The following ZNF148 variants were observed in gnomAD, a reference collection of about 807,000 sequenced individuals.
ZNF148 encodes the protein zinc finger protein 148, also known as Beta-Enolase Repressor Factor-1.
In ZNF148, 7 loss-of-function variants were observed where a neutral mutation model predicts 67.7. That is an observed-to-expected ratio of 0.10 (90% CI 0.06 to 0.19). The LOEUF (loss-of-function observed/expected upper bound fraction) is 0.19. ZNF148 is among the 10% of genes least tolerant of loss of function. ZNF148 has a pLI of 1.00. For missense variants in ZNF148, 583 were observed against 947.1 expected (o/e 0.62, Z 5.05); for synonymous variants, 333 against 330.7 (o/e 1.01, Z -0.08).
At chr3:125,275,765 T>C (rs1490331303) in intron 7 of ZNF148, among the ~76,000 whole-genome samples, 1 of 152,194 alleles carries the variant, frequency 6.6e-6, no homozygotes, top group Non-Finnish European at 1.5e-5. Context: ...CAGCACTTTT[T>C]TAAAAAAAGA....
In ZNF148 at chr3:125,232,328, T is replaced by G; in HGVS notation, c.*13A>C. On this transcript the variant is annotated 3_prime_UTR_variant, in exon 9 of 9. Transcript: ENST00000360647. The surrounding 1 kb of genome is among the most constrained non-coding windows in gnomAD (Gnocchi z 4.2). Reference sequence around the variant, plus strand: ...TCTAAAGTGCCAGTATTATTTACACTTTTTTTTTTTTTTTAGCCAAAAGTC... The same window carrying G: ...TCTAAAGTGCCAGTATTATTTACACGTTTTTTTTTTTTTTAGCCAAAAGTC... 1 of 10,824 alleles carries G rather than the reference T, an allele frequency of 9.2e-5. No individual in the cohort carries two copies. The highest frequency in any genetic ancestry group is 1.0e-3 in the African/African-American group (1 of 986). 0.7% of individuals were successfully genotyped at this position (10,824 alleles called of 1,614,324 possible).
rs1388534252 is a variant in ZNF148 at position 125,232,053 on chromosome 3, A to G, written c.*288T>C. The stretch of plus-strand genomic sequence containing the variant: ...TTATCAGTTAGGAAACAATTGTGCG[A>G]AAGTCTTTTTTTTTTCCTTTTTAAC... On this transcript the variant is annotated 3_prime_UTR_variant, in exon 9 of 9. Coordinates refer to ENST00000360647, the MANE Select transcript of ZNF148 (RefSeq NM_021964.3). The surrounding 1 kb of genome is among the most constrained non-coding windows in gnomAD (Gnocchi z 4.2). The G allele has an allele frequency of 1.0e-5, 3 of 294,164 alleles. No homozygotes were observed. The highest frequency in any genetic ancestry group is 2.2e-5 in the African/African-American group (1 of 46,112). The allele number at this position is 294,164 out of a possible 1,614,324, so 18.2% of individuals were successfully genotyped here.
chr3:125,339,901 T>C (rs981825902), intron 1 of ZNF148, among the ~76,000 whole-genome samples: 3 of 152,112 alleles, frequency 2.0e-5, no homozygotes, highest in East Asian at 1.9e-4. Context: ...CCGTAGACAA[T>C]ATATACCATT....
chr3:125,317,505 G>A (rs1940558634), intron 3 of ZNF148, among the ~76,000 whole-genome samples: 1 of 151,628 alleles, frequency 6.6e-6, no homozygotes, highest in South Asian at 2.1e-4. Context: ...CAGGTGACTT[G>A]TTAAATTAAT....
At chr3:125,245,247 G>C (rs577483439) in intron 7 of ZNF148, among the ~76,000 whole-genome samples, 7 of 152,212 alleles carry the variant, frequency 4.6e-5, no homozygotes, top group East Asian at 1.9e-4. Flanking sequence ...GTCAAAGAGG[G>C]ACCAGGTGAG....
chr3:125,310,377 T>C (rs959088479), intron 4 of ZNF148, among the ~76,000 whole-genome samples: 1 of 151,972 alleles, frequency 6.6e-6, no homozygotes, highest in Admixed American at 6.6e-5. Context: ...CCACACCCAG[T>C]CCAAAGAAGA....
chr3:125,263,278 C>T (rs940541670), intron 7 of ZNF148, among the ~76,000 whole-genome samples: 4 of 152,168 alleles, frequency 2.6e-5, no homozygotes. Flanking sequence ...AGGCTGGGCA[C>T]GGTGGCCCAC....
chr3:125,237,354 G>A (rs761591284), intron 7 of ZNF148, among the ~76,000 whole-genome samples: 4 of 152,126 alleles, frequency 2.6e-5, no homozygotes, highest in Non-Finnish European at 5.9e-5. Flanking sequence ...GGCTGTGGTG[G>A]GTGAACTGCT....
intron 2 of ZNF148, among the ~76,000 whole-genome samples, chr3:125,323,940 C>T (rs1940903106): frequency 7.1e-6 from 1 of 139,928 alleles, no homozygotes; most frequent in African/African-American, 2.7e-5. Flanking sequence ...GCCTGGGCAA[C>T]AGAGCGAGAC....
intron 7 of ZNF148, among the ~76,000 whole-genome samples, chr3:125,240,458 G>A (rs928374241): frequency 1.3e-5 from 2 of 152,072 alleles, no homozygotes; most frequent in African/African-American, 2.4e-5. Flanking sequence ...GCAACACTAC[G>A]GCATTTCCTT....
chr3:125,360,135 T>C (rs1418324959), intron 1 of ZNF148, among the ~76,000 whole-genome samples: 1 of 152,186 alleles, frequency 6.6e-6, no homozygotes, highest in Non-Finnish European at 1.5e-5. Context: ...CAAGCTACTC[T>C]CTCCTCTCTT....
intron 1 of ZNF148, among the ~76,000 whole-genome samples, chr3:125,349,699 G>C (rs1371082179): frequency 1.3e-5 from 2 of 152,210 alleles, no homozygotes; most frequent in African/African-American, 2.4e-5. Context: ...AAACAGGCCA[G>C]ATGTGGTGGT....
chr3:125,260,317 G>A (rs561539147), intron 7 of ZNF148, among the ~76,000 whole-genome samples: 2 of 151,930 alleles, frequency 1.3e-5, no homozygotes, highest in Non-Finnish European at 2.9e-5. Context: ...AAAAAACACT[G>A]TAATTTGCAA....
chr3:125,285,505 T>C (rs958652506), intron 5 of ZNF148, among the ~76,000 whole-genome samples: 2 of 152,104 alleles, frequency 1.3e-5, no homozygotes, highest in African/African-American at 4.8e-5. Flanking sequence ...CCTGTCCCAT[T>C]ACATGTAACA....
chr3:125,255,236 CTTTTTTTTTTTTTTTT>C (rs59309462), intron 7 of ZNF148, among the ~76,000 whole-genome samples: 1 of 62,136 alleles, frequency 1.6e-5, no homozygotes, highest in African/African-American at 7.0e-5. Context: ...TCTCCACCTG[CTTTTTTTTTTTTTTTT>C]TTTTTTTTTT....
chr3:125,366,034 A>T (rs891705190), intron 1 of ZNF148, among the ~76,000 whole-genome samples: 6 of 152,116 alleles, frequency 3.9e-5, no homozygotes, highest in African/African-American at 1.4e-4. Context: ...CATTACCCGC[A>T]ATCTACCCAG....
At chr3:125,236,030 C>A (rs1438089930) in intron 7 of ZNF148, among the ~76,000 whole-genome samples, 10 of 151,216 alleles carry the variant, frequency 6.6e-5, no homozygotes, top group African/African-American at 2.4e-4. Flanking sequence ...AGCACACCAA[C>A]ATGGCACATG....
In ZNF148 at chr3:125,267,267, A is replaced by C. The variant is rs193041925; in HGVS notation, c.667+10459T>G. ...TGGCAAAGACACAACGGGGAAAAAAAAAAACAAAACTAAAGGCCAACATCC... is the reference window on the plus strand; with the variant it reads ...TGGCAAAGACACAACGGGGAAAAAACAAAACAAAACTAAAGGCCAACATCC... On this transcript the variant is annotated intron_variant, in intron 7 of 8. Coordinates refer to ENST00000360647, the MANE Select transcript of ZNF148 (RefSeq NM_021964.3). Among the ~76,000 whole-genome samples the C allele has an allele frequency of 5.9e-5, 9 of 152,194 alleles. No homozygotes were observed. The East Asian group carries it at 7.7e-4, about 13-fold the overall frequency.
Position 125,323,310 on chromosome 3 carries a change from C to A in ZNF148, c.-18G>T. On this transcript the variant is annotated splice_region_variant and 5_prime_UTR_variant, in exon 3 of 9. Coordinates refer to ENST00000360647, the MANE Select transcript of ZNF148 (RefSeq NM_021964.3). ...ATGAAAAATAAGTATTAAAATTACC[C>A]GAGACTAAGGTAAAAACGAAGACTT... is the stretch of plus-strand genomic sequence containing the variant. 1.6e-6 allele frequency: 1 copy of A among 617,120 alleles called. No homozygotes were observed. The allele number at this position is 617,120 out of a possible 1,614,324, so 38.2% of individuals were successfully genotyped here.
Sources: allele counts gnomAD v4.1 joint callset (sites outside exome capture counted in the v4.1 genomes callset), GRCh38; gene constraint gnomAD v4.1.1; non-coding constraint Gnocchi (gnomAD v3.1); transcripts MANE v1.5; gene names NCBI Gene and HGNC (gene_info 2026-07-23, HGNC 2026-07-21).